CLCA4: variants seen among roughly 807,000 people sequenced by gnomAD.
The protein encoded by CLCA4 is chloride channel accessory 4, also known as calcium-activated chloride channel regulator 4.
Under a neutral mutation model 78.9 loss-of-function variants are expected in CLCA4, and 69 were observed. That is an observed-to-expected ratio of 0.87 (90% CI 0.72 to 1.07). The LOEUF (loss-of-function observed/expected upper bound fraction) is 1.07, where lower values mean the gene tolerates loss of function less well. CLCA4 is among the 50% of genes least tolerant of loss of function. The pLI is 0.00. For synonymous variants in CLCA4, 362 were observed against 375.8 expected (o/e 0.96, Z 0.42); for missense variants, 1,133 against 1,095.8 (o/e 1.03, Z -0.48).
At position 86,580,250 on chromosome 1, in the gene CLCA4, A is replaced by G. The variant is rs1185879786; in HGVS notation, c.2665A>G (p.Lys889Glu). 3 of 1,596,720 alleles carry G rather than the reference A, an allele frequency of 1.9e-6. No homozygotes were observed. The South Asian group carries it at 3.3e-5, about 18-fold the overall frequency. The change falls in exon 14 of 14, where the codon AAA becomes GAA. Residue 889 changes from lysine to glutamate, a missense_variant. Coordinates refer to ENST00000370563, the MANE Select transcript of CLCA4 (RefSeq NM_012128.4). ...PTPTPTPTPDKSHNSGVNIST... is the reference protein window; with the variant it reads ...PTPTPTPTPDESHNSGVNIST... Reference sequence around the variant, plus strand: ...TCCTACTCCTACTCCTACTCCTGATAAAAGTCATAATTCTGGAGTTAATAT... The same window carrying G: ...TCCTACTCCTACTCCTACTCCTGATGAAAGTCATAATTCTGGAGTTAATAT...
intron 1 of CLCA4, among the ~76,000 whole-genome samples, chr1:86,550,875 A>G (rs913697944): frequency 7.2e-6 from 1 of 138,684 alleles, no homozygotes; most frequent in Non-Finnish European, 1.5e-5. Flanking sequence ...TCTGTCCCCC[A>G]GGCTGGAGTG....
At chr1:86,559,746 C>T (rs149834935) in intron 1 of CLCA4, among the ~76,000 whole-genome samples, 186 bp from the exon 2 acceptor site, 120 of 152,288 alleles carry the variant, frequency 7.9e-4, no homozygotes, top group African/African-American at 2.6e-3. Context: ...AGGCTTTCAA[C>T]GTGCAGGAAT....
At position 86,549,360 on chromosome 1, in the gene CLCA4, A is replaced by C. The variant is rs182124886; in HGVS notation, c.159+2082A>C. On this transcript the variant is annotated intron_variant, in intron 1 of 13. Transcript: ENST00000370563. ...GCAGGAGGAAGCATAGGGTGAGCTG[A>C]AGTTAGAGAGGTGGCAGGGCCTAGA... Among the ~76,000 whole-genome samples, 3 of 152,290 alleles carry C rather than the reference A, an allele frequency of 2.0e-5. No individual in the cohort carries two copies. In the East Asian group the frequency reaches 5.8e-4, roughly 29 times the overall value.
intron 1 of CLCA4, among the ~76,000 whole-genome samples, chr1:86,554,849 G>A (rs1366440201): frequency 2.7e-5 from 4 of 150,730 alleles, no homozygotes; most frequent in Non-Finnish European, 5.9e-5. Context: ...CCTCAACCTC[G>A]CAAGCATCTG....
chr1:86,567,690 C>T (rs774604518), intron 7 of CLCA4, 39 bp downstream of exon 7: 1 of 1,518,758 alleles, frequency 6.6e-7, no homozygotes, highest in Non-Finnish European at 9.1e-7. Flanking sequence ...GTTTTTGTTT[C>T]TTTTCAGGAC....
intron 7 of CLCA4, among the ~76,000 whole-genome samples, chr1:86,568,844 T>A (rs1484953621): frequency 1.3e-5 from 2 of 151,990 alleles, no homozygotes; most frequent in African/African-American, 2.4e-5. Flanking sequence ...CCCAATTGCA[T>A]CTATCTCTTC....
intron 4 of CLCA4, among the ~76,000 whole-genome samples, chr1:86,564,796 T>C (rs888602783): frequency 2.0e-5 from 3 of 152,140 alleles, no homozygotes; most frequent in Admixed American, 6.6e-5. Context: ...TCCAATCACA[T>C]TTCCCTTTGG....
At chr1:86,563,016 A>G (rs537368467) in intron 3 of CLCA4, among the ~76,000 whole-genome samples, 7 of 152,048 alleles carry the variant, frequency 4.6e-5, no homozygotes, top group African/African-American at 1.4e-4. Context: ...TTCCTTCTCC[A>G]TCTGTTTCCT....
rs777086295 is a variant in CLCA4 at position 86,580,357 on chromosome 1, GA to G, written c.*19del. The G allele has an allele frequency of 6.5e-7, 1 of 1,539,162 alleles. No homozygotes were observed. Among genetic ancestry groups the G allele is most frequent in the Non-Finnish European group, 8.7e-7 (1 of 1,149,518 alleles). On this transcript the variant is annotated 3_prime_UTR_variant, in exon 14 of 14. Coordinates refer to ENST00000370563, the MANE Select transcript of CLCA4 (RefSeq NM_012128.4). ...GTACCACCATTTGAACCTTAACGAA[GA>G]AAAAAATCTTCAAGTAGACCTAGAA...
chr1:86,556,733 A>G (rs947398780), intron 1 of CLCA4, among the ~76,000 whole-genome samples: 1 of 152,066 alleles, frequency 6.6e-6, no homozygotes, highest in African/African-American at 2.4e-5. Flanking sequence ...CCCTCCTCAA[A>G]TTTTTGGAAT....
At chr1:86,576,095 G>T (rs1319380937) in intron 11 of CLCA4, among the ~76,000 whole-genome samples, 1 of 151,844 alleles carries the variant, frequency 6.6e-6, no homozygotes, top group South Asian at 2.1e-4. Flanking sequence ...CCGTCTCAAC[G>T]ACAACAAAAA....
In CLCA4 at chr1:86,572,701, T is replaced by A. The variant is rs1176986964; in HGVS notation, c.1448T>A (p.Leu483His). Residue 483 changes from leucine to histidine, a missense_variant, in exon 9 of 14, where the codon CTC becomes CAC. Leu to His is a moderately conservative substitution (Grantham distance 99). Coordinates refer to ENST00000370563, the MANE Select transcript of CLCA4 (RefSeq NM_012128.4). ...GCTCTTACATCAGGAAATACTGATC[T>A]CTCCCAGAAGTCCCTTCAGGTCAGA... ...FGALTSGNTDLSQKSLQLESK... is the reference protein window; with the variant it reads ...FGALTSGNTDHSQKSLQLESK... 1 of 1,596,680 alleles carries A rather than the reference T, an allele frequency of 6.3e-7. No individual in the cohort carries two copies. Among genetic ancestry groups the A allele is most frequent in the South Asian group, 1.1e-5 (1 of 90,750 alleles).
At chr1:86,557,168 T>C (rs1649874146) in intron 1 of CLCA4, among the ~76,000 whole-genome samples, 2 of 152,136 alleles carry the variant, frequency 1.3e-5, no homozygotes, top group African/African-American at 2.4e-5. Context: ...GATTTGTTGA[T>C]CTTTTGAGTG....
chr1:86,566,925 C>G (rs1650209177), intron 6 of CLCA4, among the ~76,000 whole-genome samples: 2 of 151,936 alleles, frequency 1.3e-5, no homozygotes, highest in South Asian at 4.2e-4. Context: ...GAAGATAGGG[C>G]CTTGGCCTCT....
chr1:86,567,385 C>T (rs1352552934), intron 6 of CLCA4, 39 bp from the exon 7 acceptor site: 1 of 1,509,854 alleles, frequency 6.6e-7, no homozygotes, highest in Non-Finnish European at 9.0e-7. Flanking sequence ...ATTTTCCAGT[C>T]AAAATCACTT....
chr1:86,575,755 A>G (rs1439370323), intron 11 of CLCA4, among the ~76,000 whole-genome samples, 156 bp downstream of exon 11: 2 of 152,082 alleles, frequency 1.3e-5, no homozygotes, highest in African/African-American at 4.8e-5. Flanking sequence ...GGTAAAACCT[A>G]CAGAGTGCTT....
chr1:86,573,289 T>C (rs1177146162), intron 9 of CLCA4, among the ~76,000 whole-genome samples: 1 of 151,958 alleles, frequency 6.6e-6, no homozygotes, highest in Non-Finnish European at 1.5e-5. Context: ...CTTAACACTT[T>C]TGCTCATCTG....
intron 3 of CLCA4, 33 bp downstream of exon 3, chr1:86,560,391 T>A: frequency 6.2e-7 from 1 of 1,609,356 alleles, no homozygotes; most frequent in Non-Finnish European, 8.5e-7. Flanking sequence ...AATTTTGCAG[T>A]GATTGCAGCA....
At chr1:86,552,653 A>T in intron 1 of CLCA4, 1 of 809,744 alleles carries the variant, frequency 1.2e-6, no homozygotes, top group South Asian at 1.5e-5. Flanking sequence ...CATGTGGTCC[A>T]GCTCGCCCAG....
Sources: allele counts gnomAD v4.1 joint callset (sites outside exome capture counted in the v4.1 genomes callset), GRCh38; gene constraint gnomAD v4.1.1; transcripts MANE v1.5; gene names NCBI Gene and HGNC (gene_info 2026-07-23, HGNC 2026-07-21).